CFAP299: variants seen among roughly 807,000 people sequenced by gnomAD.
CFAP299 encodes the protein cilia and flagella associated protein 299.
In CFAP299, 21 loss-of-function variants were observed where a neutral mutation model predicts 27.0. The ratio of observed to expected loss-of-function variants is 0.78; its 90% CI spans 0.55 to 1.12. CFAP299 has a LOEUF of 1.12. CFAP299 is among the 50% of genes most tolerant of loss of function. The pLI, the probability that CFAP299 is intolerant of heterozygous loss-of-function variation, is 0.00. For synonymous variants in CFAP299, 104 were observed against 98.1 expected (o/e 1.06, Z -0.36); for missense variants, 310 against 276.6 (o/e 1.12, Z -0.86).
rs146954507 is a variant in CFAP299, at chr4:80,870,132, T to C, written c.473T>C (p.Ile158Thr). 15 of 1,601,170 alleles carry C rather than the reference T, an allele frequency of 9.4e-6. No homozygotes were observed. Among genetic ancestry groups the C allele is most frequent in the East Asian group, 8.9e-5 (4 of 44,706 alleles). Reference protein sequence around the residue: ...KKRLLPRPTDISFYNWDADIA... With the variant: ...KKRLLPRPTDTSFYNWDADIA... ...AGACTTCTTCCAAGGCCTACAGATA[T>C]AAGGTAAATTACATACAATTTTTGC... Residue 158 changes from isoleucine (I) to threonine (T), a missense_variant, in exon 4 of 6, where the codon ATA becomes ACA. Ile to Thr is a moderately conservative substitution (Grantham distance 89, BLOSUM62 -1). Transcript: ENST00000358105.
chr4:80,953,678 C>A (rs1443755192), intron 5 of CFAP299, among the ~76,000 whole-genome samples: 1 of 152,026 alleles, frequency 6.6e-6, no homozygotes, highest in Non-Finnish European at 1.5e-5. Flanking sequence ...GTGTCCAGTG[C>A]ATGAACTCAT....
intron 2 of CFAP299, among the ~76,000 whole-genome samples, chr4:80,441,444 C>G (rs958893881): frequency 6.6e-6 from 1 of 152,164 alleles, no homozygotes; most frequent in Non-Finnish European, 1.5e-5. Context: ...AATTGCATAT[C>G]CAGCCAAACT....
At chr4:80,425,048 A>G (rs1449208220) in intron 2 of CFAP299, among the ~76,000 whole-genome samples, 2 of 152,074 alleles carry the variant, frequency 1.3e-5, no homozygotes, top group Non-Finnish European at 2.9e-5. Flanking sequence ...AGAATTTACA[A>G]GCCCTCTAAG....
chr4:80,553,016 T>G (rs1408811046), intron 2 of CFAP299, among the ~76,000 whole-genome samples: 1 of 152,072 alleles, frequency 6.6e-6, no homozygotes, highest in Non-Finnish European at 1.5e-5. Flanking sequence ...TTTTAAAGTT[T>G]TATTTTAGAT....
In CFAP299 at chr4:80,528,433, A is replaced by G. The variant is rs115301656; in HGVS notation, c.243-54660A>G. 8.7e-4 allele frequency among the ~76,000 whole-genome samples: 132 copies of G among 152,250 alleles called. 2 individuals carry two copies. In the East Asian group the frequency reaches 0.022, roughly 25 times the overall value. On this transcript the variant is annotated intron_variant, in intron 2 of 5. Coordinates refer to ENST00000358105, the MANE Select transcript of CFAP299 (RefSeq NM_152770.3). The stretch of plus-strand genomic sequence containing the variant: ...CTTAGTGTTTCATAATGTGGTAGGC[A>G]TCAGGGAAAGATGGCTAGATTCTCC...
At chr4:80,837,163 T>C (rs1161772352) in intron 3 of CFAP299, among the ~76,000 whole-genome samples, 1 of 152,194 alleles carries the variant, frequency 6.6e-6, no homozygotes, top group Non-Finnish European at 1.5e-5. Flanking sequence ...TTTTTATCAG[T>C]GCATATTAAG....
intron 5 of CFAP299, among the ~76,000 whole-genome samples, chr4:80,956,905 G>A (rs1391050980): frequency 1.3e-5 from 2 of 151,928 alleles, no homozygotes; most frequent in African/African-American, 4.8e-5. Context: ...TTCTTTTAAA[G>A]TTTACAGTTG....
intron 3 of CFAP299, among the ~76,000 whole-genome samples, chr4:80,830,185 G>A (rs1412404783): frequency 2.0e-5 from 3 of 152,044 alleles, no homozygotes; most frequent in Non-Finnish European, 4.4e-5. Flanking sequence ...ACTAAGAAAA[G>A]TTATAGAATG....
chr4:80,816,780 C>T (rs1200762295), intron 3 of CFAP299, among the ~76,000 whole-genome samples: 4 of 152,060 alleles, frequency 2.6e-5, no homozygotes, highest in Non-Finnish European at 5.9e-5. Flanking sequence ...CTGGGCCACA[C>T]TGGAAGAAGA....
intron 3 of CFAP299, among the ~76,000 whole-genome samples, chr4:80,777,555 A>G (rs1407424138): frequency 1.3e-5 from 2 of 152,166 alleles, no homozygotes; most frequent in Non-Finnish European, 2.9e-5. Context: ...TTCAAATCTT[A>G]GTTCTATCAC....
chr4:80,406,524 C>T (rs1321371625), intron 2 of CFAP299, among the ~76,000 whole-genome samples: 2 of 152,040 alleles, frequency 1.3e-5, no homozygotes, highest in Non-Finnish European at 2.9e-5. Flanking sequence ...GCCACCACAC[C>T]CAGCTCATTT....
At chr4:80,681,117 A>G (rs768461030) in intron 3 of CFAP299, among the ~76,000 whole-genome samples, 15 of 152,298 alleles carry the variant, frequency 9.8e-5, no homozygotes, top group Non-Finnish European at 2.1e-4. Flanking sequence ...CTAAAATTTT[A>G]TAAGAAGTGT....
intron 2 of CFAP299, among the ~76,000 whole-genome samples, chr4:80,461,651 T>G (rs192503651): frequency 6.6e-6 from 1 of 152,310 alleles, no homozygotes; most frequent in African/African-American, 2.4e-5. Context: ...TACTTTAGAA[T>G]GCCCTTGGCT....
At chr4:80,386,780 C>T in intron 2 of CFAP299, 2 of 1,248,118 alleles carry the variant, frequency 1.6e-6, no homozygotes, top group Admixed American at 1.7e-5. Context: ...GAACAACTTA[C>T]CGCAGCTTGT....
chr4:80,500,120 A>G (rs1731669917), intron 2 of CFAP299, among the ~76,000 whole-genome samples: 1 of 152,128 alleles, frequency 6.6e-6, no homozygotes, highest in Non-Finnish European at 1.5e-5. Flanking sequence ...ATCTCAAGTG[A>G]AATTGCCCTG....
chr4:80,841,561 T>C (rs959162385), intron 3 of CFAP299, among the ~76,000 whole-genome samples: 3 of 152,088 alleles, frequency 2.0e-5, no homozygotes, highest in African/African-American at 7.2e-5. Flanking sequence ...AATTACAAAA[T>C]TACTAATAGT....
intron 2 of CFAP299, among the ~76,000 whole-genome samples, chr4:80,493,726 T>C (rs529013147): frequency 6.6e-6 from 1 of 151,940 alleles, no homozygotes; most frequent in South Asian, 2.1e-4. Context: ...ATCTAGCTCT[T>C]CTGGGATATC....
At chr4:80,409,815 T>C in intron 2 of CFAP299, among the ~76,000 whole-genome samples, 1 of 152,166 alleles carries the variant, frequency 6.6e-6, no homozygotes, top group Non-Finnish European at 1.5e-5. Flanking sequence ...AAGAGCACTA[T>C]ATTTTTGGAA....
chr4:80,780,056 C>G (rs910006291), intron 3 of CFAP299, among the ~76,000 whole-genome samples: 3 of 151,948 alleles, frequency 2.0e-5, no homozygotes, highest in Non-Finnish European at 4.4e-5. Context: ...TATTCCTACT[C>G]TTATTGCCAC....
Sources: allele counts gnomAD v4.1 joint callset (sites outside exome capture counted in the v4.1 genomes callset), GRCh38; gene constraint gnomAD v4.1.1; transcripts MANE v1.5; gene names NCBI Gene and HGNC (gene_info 2026-07-23, HGNC 2026-07-21).